SRSF11: variants seen among roughly 807,000 people sequenced by gnomAD.
SRSF11 encodes serine/arginine-rich splicing factor 11.
In SRSF11, 9 loss-of-function variants were observed where a neutral mutation model predicts 56.0. The ratio of observed to expected loss-of-function variants is 0.16; its 90% CI spans 0.10 to 0.28. SRSF11 has a LOEUF of 0.28. SRSF11 is among the 10% of genes least tolerant of loss of function. The pLI is 1.00. For synonymous variants in SRSF11, 222 were observed against 215.3 expected (o/e 1.03, Z -0.27); for missense variants, 421 against 600.7 (o/e 0.70, Z 3.13).
chr1:70,250,704 A>G lies in SRSF11; in HGVS notation c.1354A>G (p.Thr452Ala), dbSNP rs775627798. 9 of 1,614,076 alleles carry G rather than the reference A, an allele frequency of 5.6e-6. No homozygotes were observed. In the South Asian group the frequency reaches 9.9e-5, roughly 18 times the overall value. ...ACCAATAGAAACAGGTTCCCCTAAA[A>G]CAAAGGAATGTTCTGTGGAAAAGGG... ...KKPIETGSPK[T>A]KECSVEKGTG... is the part of the protein sequence containing the mutation. The change falls in exon 12 of 12, where the codon ACA becomes GCA. Residue 452 changes from threonine (T) to alanine (A), a missense_variant. Around this residue, in one of 2 missense-constraint regions of SRSF11, gnomAD observed 253 missense variants for 305.8 expected, o/e 0.83. Transcript: ENST00000370949.
intron 7 of SRSF11, among the ~76,000 whole-genome samples, chr1:70,243,374 C>T (rs1469350904): frequency 6.8e-5 from 4 of 58,786 alleles, no homozygotes; most frequent in African/African-American, 2.4e-4. Context: ...AAAAAAAAAA[C>T]ACAGTGTGTA....
chr1:70,230,697 G>GA, intron 2 of SRSF11: 1 of 1,210,042 alleles, frequency 8.3e-7, no homozygotes, highest in African/African-American at 1.6e-5. Flanking sequence ...TCAGATGCAT[G>GA]ACTTTTTTTT....
At chr1:70,216,353 T>C (rs1670006875) in intron 1 of SRSF11, among the ~76,000 whole-genome samples, 1 of 152,178 alleles carries the variant, frequency 6.6e-6, no homozygotes, top group Non-Finnish European at 1.5e-5. Flanking sequence ...CTGTAAGTTA[T>C]TTCTTGTGTT....
At chr1:70,235,619 G>T in intron 5 of SRSF11, 69 bp downstream of exon 5, 2 of 1,455,624 alleles carry the variant, frequency 1.4e-6, no homozygotes, top group South Asian at 2.5e-5. Flanking sequence ...GAGTTTTTTT[G>T]ATAGCTTATA....
chr1:70,250,930 A>C lies in SRSF11; in HGVS notation c.*125A>C. On this transcript the variant is annotated 3_prime_UTR_variant, in exon 12 of 12. Coordinates refer to ENST00000370949, the MANE Select transcript of SRSF11 (RefSeq NM_001350605.2). The stretch of plus-strand genomic sequence containing the variant: ...ACAGCTCTGAGTTATAAATGGTTAT[A>C]AAGCTCCTGTTACTCATATTAGTTA... 2.5e-6 allele frequency: 2 copies of C among 809,828 alleles called. No homozygotes were observed. The highest frequency in any genetic ancestry group is 3.9e-6 in the Non-Finnish European group (2 of 515,532). The allele number at this position is 809,828 out of a possible 1,614,324, so 50.2% of individuals were successfully genotyped here. A position where few individuals can be genotyped will look rare whatever the true frequency, so the allele number is the denominator to read the frequency against.
At chr1:70,215,614 A>G (rs1284540888) in intron 1 of SRSF11, among the ~76,000 whole-genome samples, 1 of 152,162 alleles carries the variant, frequency 6.6e-6, no homozygotes. Flanking sequence ...TTTAACAACT[A>G]ATTTCATAAA....
chr1:70,236,208 A>G (rs1673971995), intron 5 of SRSF11, among the ~76,000 whole-genome samples: 2 of 152,174 alleles, frequency 1.3e-5, no homozygotes, highest in African/African-American at 2.4e-5. Flanking sequence ...AGCTTATAAA[A>G]TAAAATAATA....
intron 1 of SRSF11, among the ~76,000 whole-genome samples, chr1:70,207,251 T>A (rs188585743): frequency 5.9e-5 from 9 of 152,096 alleles, no homozygotes; most frequent in Non-Finnish European, 1.5e-5. Context: ...AGGTCCCTGG[T>A]CAGCTTGTCT....
At chr1:70,211,253 A>G (rs1374294151) in intron 1 of SRSF11, among the ~76,000 whole-genome samples, 1 of 152,154 alleles carries the variant, frequency 6.6e-6, no homozygotes, top group Non-Finnish European at 1.5e-5. Context: ...GTTAACACAT[A>G]CACTACTGAG....
At chr1:70,250,185 TA>T (rs755640554) in intron 10 of SRSF11, 138 bp downstream of exon 10, 1 of 1,258,796 alleles carries the variant, frequency 7.9e-7, no homozygotes, top group Admixed American at 2.2e-5. Flanking sequence ...ACTTGTGACT[TA>T]AACACCATTA....
At chr1:70,234,170 A>G (rs1031334270) in intron 3 of SRSF11, among the ~76,000 whole-genome samples, 1 of 152,164 alleles carries the variant, frequency 6.6e-6, no homozygotes, top group Non-Finnish European at 1.5e-5. Flanking sequence ...AAGGGGACAC[A>G]GCAACCAGGA....
chr1:70,221,481 A>G lies in SRSF11; in HGVS notation c.-156A>G. 9.0e-7 allele frequency: 1 copy of G among 1,109,964 alleles called. No homozygotes were observed. The highest frequency in any genetic ancestry group is 1.3e-6 in the Non-Finnish European group (1 of 787,764). The allele number at this position is 1,109,964 out of a possible 1,614,324, so 68.8% of individuals were successfully genotyped here. A position where few individuals can be genotyped will look rare whatever the true frequency, so the allele number is the denominator to read the frequency against. ...CCCCGCGGCGTGCGGCGGGGCGGAG[A>G]AACGGCGGCGGCGGCGGCGGCATCG... On this transcript the variant is annotated 5_prime_UTR_variant, in exon 1 of 12. Coordinates refer to ENST00000370949, the MANE Select transcript of SRSF11 (RefSeq NM_001350605.2).
exon 1 of SRSF11, chr1:70,205,742 G>A: frequency 2.1e-6 from 1 of 482,246 alleles, no homozygotes; most frequent in Non-Finnish European, 3.7e-6. Flanking sequence ...CTTTTCCGTT[G>A]CCGGTGCCGG....
At chr1:70,237,066 C>T (rs965278902) in intron 5 of SRSF11, among the ~76,000 whole-genome samples, 6 of 152,054 alleles carry the variant, frequency 3.9e-5, no homozygotes, top group Admixed American at 6.5e-5. Flanking sequence ...GGATTACAGG[C>T]GTGAGCCACC....
In SRSF11 at chr1:70,231,587, T is replaced by G. The variant is rs574687987; in HGVS notation, c.338-681T>G. 1.9e-5 allele frequency: 21 copies of G among 1,128,020 alleles called. No homozygotes were observed. In the East Asian group the frequency reaches 5.7e-4, roughly 30 times the overall value. The allele number at this position is 1,128,020 out of a possible 1,614,324, so 69.9% of individuals were successfully genotyped here. On this transcript the variant is annotated intron_variant, in intron 2 of 11. Transcript: ENST00000370949. The stretch of plus-strand genomic sequence containing the variant: ...TACAGGTAAGGAATGTGCCATGTTG[T>G]TTTACCTATCTCTCTTTCTCTCTCA...
At chr1:70,218,987 A>G (rs532452949), upstream of SRSF11, 67 of 152,342 alleles carry the variant, frequency 4.4e-4, no homozygotes, top group African/African-American at 1.6e-3. Context: ...CATTGTATTC[A>G]GTATTAAAGT....
Position 70,231,541 on chromosome 1 carries a change from G to A in SRSF11, c.338-727G>A, listed in dbSNP as rs561235549. 6.5e-6 allele frequency: 7 copies of A among 1,073,644 alleles called. No individual in the cohort carries two copies. The South Asian group carries it at 1.4e-4, about 21-fold the overall frequency. The allele number at this position is 1,073,644 out of a possible 1,614,324, so 66.5% of individuals were successfully genotyped here. A position where few individuals can be genotyped will look rare whatever the true frequency, so the allele number is the denominator to read the frequency against. On this transcript the variant is annotated intron_variant, in intron 2 of 11. Coordinates refer to ENST00000370949, the MANE Select transcript of SRSF11 (RefSeq NM_001350605.2). ...TGGTATGGTTAGCATGGCACATGGCGAAACATAAAGCATTTTACTGTACAG... is the reference window on the plus strand; with the variant it reads ...TGGTATGGTTAGCATGGCACATGGCAAAACATAAAGCATTTTACTGTACAG...
intron 2 of SRSF11, 195 bp from the exon 3 acceptor site, chr1:70,232,073 A>G (rs1192202181): frequency 1.3e-6 from 2 of 1,534,086 alleles, no homozygotes; most frequent in African/African-American, 2.8e-5. Flanking sequence ...AAAGGAAACA[A>G]ATTTTCACAC....
At chr1:70,243,671 G>A (rs1238643694) in intron 7 of SRSF11, among the ~76,000 whole-genome samples, 1 of 152,204 alleles carries the variant, frequency 6.6e-6, no homozygotes, top group Non-Finnish European at 1.5e-5. Context: ...TATTTGAAAT[G>A]TTGCACAGAG....
Sources: allele counts gnomAD v4.1 joint callset (sites outside exome capture counted in the v4.1 genomes callset), GRCh38; gene constraint gnomAD v4.1.1; regional missense constraint gnomAD v4.1.1; transcripts MANE v1.5; gene names NCBI Gene and HGNC (gene_info 2026-07-23, HGNC 2026-07-21).